The following DACT1 variants were observed in gnomAD, a reference collection of about 807,000 sequenced individuals.
DACT1 encodes dishevelled binding antagonist of beta catenin 1, also known as dapper homolog 1.
Under a neutral mutation model 35.3 loss-of-function variants are expected in DACT1, and 19 were observed. That is an observed-to-expected ratio of 0.54 (90% CI 0.38 to 0.79). The LOEUF (loss-of-function observed/expected upper bound fraction) is 0.79. Among genes scored for constraint, DACT1 ranks in the 30% least tolerant of loss-of-function variants. The probability of loss-of-function intolerance (pLI) is 0.00; values close to 1 mark genes in which losing one functional copy is unlikely to be tolerated. For missense variants in DACT1, 1,143 were observed against 1,057.5 expected (o/e 1.08, Z -1.12); for synonymous variants, 545 against 466.7 (o/e 1.17, Z -2.16).
chr14:58,643,813 G>A (rs765281192), intron 3 of DACT1, among the ~76,000 whole-genome samples: 32 of 152,228 alleles, frequency 2.1e-4, no homozygotes, highest in Middle Eastern at 6.8e-3. Context: ...TAGGGCTTAC[G>A]TTGCTGGGAG....
intron 3 of DACT1, among the ~76,000 whole-genome samples, chr14:58,644,096 T>C (rs1475927349): frequency 6.6e-6 from 1 of 152,220 alleles, no homozygotes; most frequent in Non-Finnish European, 1.5e-5. Context: ...AACTCAACTT[T>C]AATTTTCTCT....
At chr14:58,644,297 A>G (rs996050513) in intron 3 of DACT1, among the ~76,000 whole-genome samples, 5 of 152,240 alleles carry the variant, frequency 3.3e-5, no homozygotes, top group African/African-American at 1.2e-4. Flanking sequence ...ATCCTATTAA[A>G]AAAACATTTT....
intron 3 of DACT1, among the ~76,000 whole-genome samples, chr14:58,644,884 T>C (rs1384937380): frequency 6.6e-6 from 1 of 152,186 alleles, no homozygotes; most frequent in African/African-American, 2.4e-5. Flanking sequence ...ACTACTAGAA[T>C]CTTGGTGTGC....
Position 58,647,152 on chromosome 14 carries a change from G to C in DACT1, c.*18G>C. 2 of 1,595,946 alleles carry C rather than the reference G, an allele frequency of 1.3e-6. No individual in the cohort carries two copies. Among genetic ancestry groups the C allele is most frequent in the Non-Finnish European group, 1.7e-6 (2 of 1,175,696 alleles). Reference sequence around the variant, plus strand: ...CGGTTTGAGTGACATCATTGGTGTAGAAAGTTTGTGTGTTTTTTTTTCTTC... The same window carrying C: ...CGGTTTGAGTGACATCATTGGTGTACAAAGTTTGTGTGTTTTTTTTTCTTC... On this transcript the variant is annotated 3_prime_UTR_variant, in exon 4 of 4. Transcript: ENST00000395153.
intron 3 of DACT1, 92 bp from the exon 4 acceptor site, chr14:58,645,277 A>C (rs1337920830): frequency 6.2e-7 from 1 of 1,613,916 alleles, no homozygotes; most frequent in Non-Finnish European, 8.5e-7. Context: ...GATTGTTGGA[A>C]TATAAAGAAG....
chr14:58,640,982 A>G, intron 2 of DACT1, 114 bp downstream of exon 2: 1 of 1,160,812 alleles, frequency 8.6e-7, no homozygotes. Context: ...CAGTGCAGAG[A>G]GGATAAACAA....
upstream of DACT1, among the ~76,000 whole-genome samples, chr14:58,637,464 C>G (rs1010489972): frequency 1.3e-5 from 2 of 152,266 alleles, no homozygotes; most frequent in Non-Finnish European, 1.5e-5. Flanking sequence ...AATACACTTG[C>G]AATACCTTGC....
chr14:58,640,669 A>G, intron 1 of DACT1, 67 bp from the exon 2 acceptor site: 1 of 1,589,798 alleles, frequency 6.3e-7, no homozygotes, highest in South Asian at 1.1e-5. Context: ...TTGAATCCTT[A>G]GAGTAGACTT....
At chr14:58,644,323 TTATC>T (rs2047653402) in intron 3 of DACT1, among the ~76,000 whole-genome samples, 1 of 152,222 alleles carries the variant, frequency 6.6e-6, no homozygotes, top group Non-Finnish European at 1.5e-5. Context: ...AGTGGGAAAT[TTATC>T]CATTAATACT....
At chr14:58,636,248 A>C, upstream of DACT1, among the ~76,000 whole-genome samples, 1 of 152,222 alleles carries the variant, frequency 6.6e-6, no homozygotes. Context: ...GTAAATGTCA[A>C]CTTAATTCTA....
chr14:58,638,473 G>T lies in DACT1; in HGVS notation c.271G>T (p.Gly91Trp). The change falls in exon 1 of 4, where the codon GGG becomes TGG. Residue 91 changes from glycine to tryptophan, a missense_variant. Gly to Trp is a radical substitution (Grantham distance 184). This residue lies in a region of DACT1 where 1,054 missense variants were observed against 958.8 expected (regional missense o/e 1.10). Transcript: ENST00000395153. Reference sequence around the variant, plus strand: ...TGCGCCCCGCGCTGGGGAGCTACTGGGGGAGGCGGCGCAGCGCAGTCGCCT... The same window carrying T: ...TGCGCCCCGCGCTGGGGAGCTACTGTGGGAGGCGGCGCAGCGCAGTCGCCT... ...AAAPRAGELL[G>W]EAAQRSRLEE... 7.4e-7 allele frequency: 1 copy of T among 1,359,014 alleles called. No homozygotes were observed. 84.2% of individuals were successfully genotyped at this position (1,359,014 alleles called of 1,614,324 possible). A position where few individuals can be genotyped will look rare whatever the true frequency, so the allele number is the denominator to read the frequency against.
chr14:58,636,614 A>C (rs192880962), upstream of DACT1, among the ~76,000 whole-genome samples: 13 of 152,184 alleles, frequency 8.5e-5, no homozygotes, highest in Non-Finnish European at 4.4e-5. Flanking sequence ...AGAGGGGAGG[A>C]AAGAAGAGGA....
chr14:58,638,852 A>C, intron 1 of DACT1: 2 of 1,103,462 alleles, frequency 1.8e-6, no homozygotes, highest in South Asian at 8.9e-5. Flanking sequence ...GCCTAGTTCT[A>C]ACGTTCGGTC....
chr14:58,638,341 CGGCAGGAGGCCACGCTGGCCG>C lies in DACT1; in HGVS notation c.143_163del (p.Gln48_Gly54del). On this transcript the variant is annotated inframe_deletion, in exon 1 of 4. Coordinates refer to ENST00000395153, the MANE Select transcript of DACT1 (RefSeq NM_001079520.2). ...CACCGAGCGGCAGCGCACCCGGGAG[CGGCAGGAGGCCACGCTGGCCG>C]GGCTGGCGGAGCTGGAGTACCTGCG... is the stretch of plus-strand genomic sequence containing the variant. The C allele has an allele frequency of 7.6e-7, 1 of 1,311,602 alleles. No individual in the cohort carries two copies. 81.2% of individuals were successfully genotyped at this position (1,311,602 alleles called of 1,614,324 possible).
chr14:58,643,310 TATAAG>T (rs1403179929), intron 3 of DACT1, among the ~76,000 whole-genome samples: 3 of 152,204 alleles, frequency 2.0e-5, no homozygotes, highest in Non-Finnish European at 2.9e-5. Flanking sequence ...TGTGAATTCT[TATAAG>T]AGTAGAGAAA....
chr14:58,647,298 T>A lies in DACT1; in HGVS notation c.*164T>A. ...TTGTTTCATCTTCACGTATGGATGC[T>A]AGTGCCTTTAATGGAAGGTAAAGAA... On this transcript the variant is annotated 3_prime_UTR_variant, in exon 4 of 4. Coordinates refer to ENST00000395153, the MANE Select transcript of DACT1 (RefSeq NM_001079520.2). 1.3e-6 allele frequency: 1 copy of A among 787,910 alleles called. No homozygotes were observed. Among genetic ancestry groups the A allele is most frequent in the Non-Finnish European group, 2.0e-6 (1 of 499,676 alleles). The allele number at this position is 787,910 out of a possible 1,614,324, so 48.8% of individuals were successfully genotyped here.
chr14:58,640,304 T>G (rs1219356762), intron 1 of DACT1, among the ~76,000 whole-genome samples: 1 of 152,204 alleles, frequency 6.6e-6, no homozygotes, highest in Non-Finnish European at 1.5e-5. Context: ...GGCCAAGACA[T>G]TTGGCCAGAA....
Position 58,638,293 on chromosome 14 carries a change from TG to T in DACT1, c.93del (p.Trp31CysfsTer81). ...GCGCACGGCGGAGCCCGAGGGGCGC[TG>T]GCGGGAGAAGGGCGAGGCAGACACC... ...EQRTAEPEGR[W>X]REKGEADTER... is the part of the protein sequence containing the mutation. On this transcript the variant is annotated frameshift_variant, in exon 1 of 4. Transcript: ENST00000395153. LOFTEE classifies it high-confidence loss of function. 7.4e-7 allele frequency: 1 copy of T among 1,346,718 alleles called. No individual in the cohort carries two copies. The highest frequency in any genetic ancestry group is 9.5e-7 in the Non-Finnish European group (1 of 1,053,010). 83.4% of individuals were successfully genotyped at this position (1,346,718 alleles called of 1,614,324 possible). A position where few individuals can be genotyped will look rare whatever the true frequency, so the allele number is the denominator to read the frequency against.
rs2047704590 is a variant in DACT1, at chr14:58,647,447, G to C, written c.*313G>C. The C allele has an allele frequency of 2.9e-6, 1 of 341,448 alleles. No homozygotes were observed. Among genetic ancestry groups the C allele is most frequent in the Non-Finnish European group, 5.6e-6 (1 of 179,198 alleles). 21.2% of individuals were successfully genotyped at this position (341,448 alleles called of 1,614,324 possible). On this transcript the variant is annotated 3_prime_UTR_variant, in exon 4 of 4. Transcript: ENST00000395153. ...GCAAGGTACAGGTTTTGATGTTCAA[G>C]TTTTATTGGGATAAGATCTTTTGAT...
Sources: allele counts gnomAD v4.1 joint callset (sites outside exome capture counted in the v4.1 genomes callset), GRCh38; gene constraint gnomAD v4.1.1; regional missense constraint gnomAD v4.1.1; transcripts MANE v1.5; gene names NCBI Gene and HGNC (gene_info 2026-07-23, HGNC 2026-07-21).